Variants in AGK observed in about 807,000 individuals in gnomAD.
The protein encoded by AGK is acylglycerol kinase, also known as acylglycerol kinase, mitochondrial.
Under a neutral mutation model 66.4 loss-of-function variants are expected in AGK, and 52 were observed. The ratio of observed to expected loss-of-function variants is 0.78; its 90% CI spans 0.63 to 0.99. AGK has a LOEUF of 0.99. Among genes scored for constraint, AGK ranks in the 50% least tolerant of loss-of-function variants. The pLI, the probability that AGK is intolerant of heterozygous loss-of-function variation, is 0.00. For synonymous variants in AGK, 182 were observed against 181.1 expected, an observed-to-expected ratio of 1.00 and a Z score of -0.04; for missense variants, 451 against 506.6, an observed-to-expected ratio of 0.89 and a Z score of 1.05.
chr7:141,560,218 T>C (rs73169599), intron 2 of AGK, among the ~76,000 whole-genome samples: 28 of 152,046 alleles, frequency 1.8e-4, no homozygotes, highest in South Asian at 4.2e-4. Context: ...TGTGGGCTCA[T>C]CATAAATGAC....
At chr7:141,601,118 T>A in intron 4 of AGK, 87 bp from the exon 5 acceptor site, 1 of 975,890 alleles carries the variant, frequency 1.0e-6, no homozygotes, top group Non-Finnish European at 1.6e-6. Flanking sequence ...GTCTTTCTTA[T>A]TCTGCCCTGA....
At chr7:141,587,539 G>A (rs998001342) in intron 2 of AGK, among the ~76,000 whole-genome samples, 4 of 152,130 alleles carry the variant, frequency 2.6e-5, no homozygotes, top group South Asian at 2.1e-4. Flanking sequence ...CAGCGGTTCC[G>A]AACTACTTTC....
At position 141,617,038 on chromosome 7, in the gene AGK, T is replaced by G. The variant is rs543597423; in HGVS notation, c.518+1473T>G. Among the ~76,000 whole-genome samples, 3 of 152,302 alleles carry G rather than the reference T, an allele frequency of 2.0e-5. No homozygotes were observed. In the South Asian group the frequency reaches 6.2e-4, roughly 32 times the overall value. On this transcript the variant is annotated intron_variant, in intron 8 of 15. Transcript: ENST00000649286. ...TCCCAAAGTCAGTTGGCCATACTTT[T>G]TATTCCCGGTTTAGAATTTCTGAGG...
chr7:141,610,020 G>A (rs1024592961), intron 5 of AGK, among the ~76,000 whole-genome samples: 2 of 151,332 alleles, frequency 1.3e-5, no homozygotes, highest in African/African-American at 4.9e-5. Flanking sequence ...CCAGGCTGGA[G>A]TGCAGTGGTG....
intron 2 of AGK, among the ~76,000 whole-genome samples, chr7:141,591,422 G>A (rs2116918716): frequency 6.6e-6 from 1 of 152,222 alleles, no homozygotes; most frequent in South Asian, 2.1e-4. Flanking sequence ...CAGATTCACA[G>A]CGTCCATACT....
intron 4 of AGK, 187 bp downstream of exon 4, chr7:141,596,828 C>T (rs1796237310): frequency 3.6e-6 from 2 of 562,156 alleles, no homozygotes; most frequent in South Asian, 5.1e-5. Flanking sequence ...CTAATGGATG[C>T]TTAGCAAACT....
chr7:141,591,850 G>A (rs930614163), intron 2 of AGK, among the ~76,000 whole-genome samples: 1 of 152,198 alleles, frequency 6.6e-6, no homozygotes, highest in Non-Finnish European at 1.5e-5. Flanking sequence ...AGCCCCGGAG[G>A]TGACTGGAGC....
chr7:141,581,106 G>C (rs908363015), intron 2 of AGK, among the ~76,000 whole-genome samples: 1 of 151,922 alleles, frequency 6.6e-6, no homozygotes, highest in African/African-American at 2.4e-5. Context: ...GGGAGAGCAC[G>C]TGTGTTTTTA....
chr7:141,573,716 T>C (rs980029127), intron 2 of AGK, among the ~76,000 whole-genome samples: 7 of 152,218 alleles, frequency 4.6e-5, no homozygotes, highest in Non-Finnish European at 1.0e-4. Context: ...ACGCTATTTA[T>C]AGAGAACAAC....
intron 2 of AGK, among the ~76,000 whole-genome samples, chr7:141,582,397 G>A (rs1232909869): frequency 6.6e-6 from 1 of 151,980 alleles, no homozygotes; most frequent in Non-Finnish European, 1.5e-5. Flanking sequence ...CTACTTGCCT[G>A]CCTCTACTCT....
At chr7:141,574,334 A>G (rs925506242) in intron 2 of AGK, among the ~76,000 whole-genome samples, 4 of 152,180 alleles carry the variant, frequency 2.6e-5, no homozygotes, top group Non-Finnish European at 5.9e-5. Flanking sequence ...TCTGGACTTC[A>G]GCATAAACAT....
At chr7:141,595,247 G>T (rs538434707) in intron 3 of AGK, among the ~76,000 whole-genome samples, 11 of 152,286 alleles carry the variant, frequency 7.2e-5, no homozygotes, top group Non-Finnish European at 1.0e-4. Context: ...TACCATAGGT[G>T]TGGAATCTGA....
At chr7:141,643,072 GAA>G (rs953356588) in intron 13 of AGK, among the ~76,000 whole-genome samples, 4 of 152,284 alleles carry the variant, frequency 2.6e-5, no homozygotes, top group Admixed American at 6.5e-5. Flanking sequence ...GGAATGTCGT[GAA>G]AAGTTTGATT....
In AGK at chr7:141,654,510, A is replaced by G. The variant is rs1342145973; in HGVS notation, c.*1586A>G. 6.6e-6 allele frequency: 1 copy of G among 151,760 alleles called. No homozygotes were observed. Among genetic ancestry groups the G allele is most frequent in the Non-Finnish European group, 1.5e-5 (1 of 68,018 alleles). The allele number at this position is 151,760 out of a possible 1,614,324, so 9.4% of individuals were successfully genotyped here. On this transcript the variant is annotated 3_prime_UTR_variant, in exon 16 of 16. Coordinates refer to ENST00000649286, the MANE Select transcript of AGK (RefSeq NM_018238.4). The stretch of plus-strand genomic sequence containing the variant: ...GATCTATCAACTAACAAACAACTTG[A>G]TTAGATTCTCCTTTAGTCTGTTGAA...
intron 5 of AGK, among the ~76,000 whole-genome samples, chr7:141,602,040 G>C (rs1029521593): frequency 6.6e-6 from 1 of 151,640 alleles, no homozygotes; most frequent in African/African-American, 2.4e-5. Flanking sequence ...TAACATATTT[G>C]AGTACCTGTA....
In AGK at chr7:141,602,173, T is replaced by TTGTGTGTGTGTG. The variant is rs71172608; in HGVS notation, c.297+921_297+932dup. Among the ~76,000 whole-genome samples, 780 of 125,344 alleles carry TTGTGTGTGTGTG rather than the reference T, an allele frequency of 6.2e-3. 14 individuals carry two copies. Among genetic ancestry groups the TTGTGTGTGTGTG allele is most frequent in the Middle Eastern group, 0.025 (6 of 244 alleles). The allele number at this position is 125,344 out of a possible 152,430, so 82.2% of individuals were successfully genotyped here. On this transcript the variant is annotated intron_variant, in intron 5 of 15. Transcript: ENST00000649286. ...GAGCTTTCCTTGAGGGGAGATTTTC[T>TTGTGTGTGTGTG]TGTGTGTGTGTGTGTGTGTGTGTGT...
intron 4 of AGK, chr7:141,599,378 T>C (rs1027687698): frequency 6.6e-6 from 1 of 152,158 alleles, no homozygotes. Context: ...CTCGGTGTTA[T>C]CTCACCCTTA....
At chr7:141,632,853 T>C (rs1254300648) in intron 9 of AGK, among the ~76,000 whole-genome samples, 1 of 152,204 alleles carries the variant, frequency 6.6e-6, no homozygotes, top group East Asian at 1.9e-4. Flanking sequence ...CTTGCAGGCT[T>C]CTTTTATTGT....
intron 13 of AGK, among the ~76,000 whole-genome samples, chr7:141,644,642 A>G (rs1432589630): frequency 1.3e-5 from 2 of 152,200 alleles, no homozygotes; most frequent in Non-Finnish European, 2.9e-5. Context: ...ATTAAAAGTC[A>G]TATCTATTTT....
Sources: gnomAD v4.1 joint callset for allele counts (sites outside exome capture counted in the v4.1 genomes callset) on GRCh38, gnomAD v4.1.1 for gene constraint, MANE v1.5 for transcripts, NCBI Gene and HGNC (gene_info 2026-07-23, HGNC 2026-07-21) for gene names.